Variants in JMJD1C observed in about 807,000 individuals in gnomAD.
The protein encoded by JMJD1C is jumonji domain containing 1C.
JMJD1C carries 31 observed loss-of-function variants against 245.3 expected under a neutral mutation model. The observed-to-expected ratio is 0.13, with a 90% CI of 0.09 to 0.17. JMJD1C has a LOEUF of 0.17. Ranked by LOEUF, JMJD1C falls within the 10% of genes least tolerant of loss-of-function variation. The pLI is 1.00. For missense variants in JMJD1C, 2,691 were observed against 3,000.2 expected, an observed-to-expected ratio of 0.90 and a Z score of 2.41; for synonymous variants, 1,057 against 1,017.4, an observed-to-expected ratio of 1.04 and a Z score of -0.74.
chr10:63,469,740 T>C (rs1473499347), upstream of JMJD1C, among the ~76,000 whole-genome samples: 1 of 152,204 alleles, frequency 6.6e-6, no homozygotes, highest in African/African-American at 2.4e-5. Context: ...TTATTAATTG[T>C]CAAATGTAAA....
chr10:63,310,071 C>A (rs901886384), intron 2 of JMJD1C, among the ~76,000 whole-genome samples: 13 of 152,172 alleles, frequency 8.5e-5, no homozygotes, highest in African/African-American at 3.1e-4. Context: ...GCAATAACCA[C>A]TATCAGATCA....
chr10:63,291,399 A>T (rs1263200078), intron 2 of JMJD1C, among the ~76,000 whole-genome samples: 2 of 150,952 alleles, frequency 1.3e-5, no homozygotes, highest in Non-Finnish European at 2.9e-5. Flanking sequence ...GGCGGATCAC[A>T]AGGTCACGAG....
upstream of JMJD1C, among the ~76,000 whole-genome samples, chr10:63,468,650 A>G (rs947644200): frequency 1.3e-5 from 2 of 152,236 alleles, no homozygotes; most frequent in Admixed American, 1.3e-4. Context: ...AATTAGACAT[A>G]TAAATTAGAT....
chr10:63,275,085 T>A (rs936943775), intron 2 of JMJD1C, among the ~76,000 whole-genome samples: 3 of 152,196 alleles, frequency 2.0e-5, no homozygotes, highest in Admixed American at 2.0e-4. Context: ...ATTACTTTAA[T>A]GTTAGAAATA....
At position 63,168,574 on chromosome 10, in the gene JMJD1C, C is replaced by A. The variant is rs1842057230; in HGVS notation, c.7402-8G>T. 6.4e-7 allele frequency: 1 copy of A among 1,557,276 alleles called. No individual in the cohort carries two copies. ...GCTGTGAAAATTCTGAACCTATCCC[C>A]AAAAGAAAAACCGTGAAATACAAGT... On this transcript the variant is annotated splice_region_variant and splice_polypyrimidine_tract_variant and intron_variant, in intron 24 of 25. Transcript: ENST00000399262.
At position 63,217,548 on chromosome 10, in the gene JMJD1C, TAA is replaced by T. The variant is rs139548780; in HGVS notation, c.554-219_554-218del. On this transcript the variant is annotated intron_variant, in intron 4 of 25. Transcript: ENST00000399262. ...CACATACTTCCTGATTCAATAGAAATAAAATACTTTAAGAGAGAAGGAAGGTT... is the reference window on the plus strand; with the variant it reads ...CACATACTTCCTGATTCAATAGAAATAATACTTTAAGAGAGAAGGAAGGTT... Among the ~76,000 whole-genome samples, 556 of 152,236 alleles carry T rather than the reference TAA, an allele frequency of 3.7e-3. 2 individuals are homozygous for T. The highest frequency in any genetic ancestry group is 0.013 in the African/African-American group (523 of 41,562).
intron 1 of JMJD1C, among the ~76,000 whole-genome samples, chr10:63,473,996 T>C (rs1953576876): frequency 6.6e-6 from 1 of 152,008 alleles, no homozygotes; most frequent in South Asian, 2.1e-4. Context: ...TGAGCCGAGA[T>C]TGCGCTATTG....
intron 1 of JMJD1C, among the ~76,000 whole-genome samples, chr10:63,476,135 G>C (rs1265313850): frequency 6.6e-6 from 1 of 151,778 alleles, no homozygotes; most frequent in Non-Finnish European, 1.5e-5. Context: ...CCTTGAGCCT[G>C]GGAGGAAGAG....
At chr10:63,316,517 T>C (rs1381300802) in intron 2 of JMJD1C, among the ~76,000 whole-genome samples, 2 of 152,062 alleles carry the variant, frequency 1.3e-5, no homozygotes, top group African/African-American at 4.8e-5. Context: ...GCATGATCCC[T>C]GCTCACTGCA....
intron 1 of JMJD1C, among the ~76,000 whole-genome samples, chr10:63,389,330 A>AG (rs1491258537): frequency 1.1e-4 from 16 of 146,634 alleles, no homozygotes; most frequent in African/African-American, 2.0e-4. Context: ...AAAAAAAAAG[A>AG]AAAAGAAAAA....
chr10:63,359,590 T>C (rs1945150204), intron 2 of JMJD1C, among the ~76,000 whole-genome samples: 1 of 152,230 alleles, frequency 6.6e-6, no homozygotes, highest in Non-Finnish European at 1.5e-5. Flanking sequence ...ATGAATACTT[T>C]TCATTACCCA....
chr10:63,301,192 C>T (rs1238926500), intron 2 of JMJD1C, among the ~76,000 whole-genome samples: 3 of 152,024 alleles, frequency 2.0e-5, no homozygotes, highest in Non-Finnish European at 4.4e-5. Flanking sequence ...ATTTTTGTTT[C>T]TTTGCAGAGA....
intron 1 of JMJD1C, among the ~76,000 whole-genome samples, chr10:63,501,323 A>T (rs1011944274): frequency 2.0e-5 from 3 of 152,248 alleles, no homozygotes; most frequent in Admixed American, 6.5e-5. Flanking sequence ...AAAGTGATTC[A>T]TTGAAAAAGA....
In JMJD1C at chr10:63,167,992, C is replaced by G. The variant is rs1841996681; in HGVS notation, c.*53G>C. ...GTCAGTGTGCATACATATCATCATT[C>G]AAGGTTAAGTAATCCCAGTTCAACA... is the stretch of plus-strand genomic sequence containing the variant. On this transcript the variant is annotated 3_prime_UTR_variant, in exon 26 of 26. Coordinates refer to ENST00000399262, the MANE Select transcript of JMJD1C (RefSeq NM_032776.3). The G allele has an allele frequency of 9.7e-7, 1 of 1,029,328 alleles. No homozygotes were observed. The highest frequency in any genetic ancestry group is 1.5e-6 in the Non-Finnish European group (1 of 650,296). The allele number at this position is 1,029,328 out of a possible 1,614,324, so 63.8% of individuals were successfully genotyped here.
intron 11 of JMJD1C, 110 bp downstream of exon 11, chr10:63,200,366 G>A: frequency 1.4e-6 from 1 of 739,768 alleles, no homozygotes; most frequent in South Asian, 1.8e-5. Flanking sequence ...AAAACATGGA[G>A]ACTCAAAGAC....
chr10:63,296,003 G>GTGTGTA (rs1285499198), intron 2 of JMJD1C, among the ~76,000 whole-genome samples: 4 of 95,722 alleles, frequency 4.2e-5, no homozygotes, highest in Admixed American at 1.2e-4. Flanking sequence ...GTGTGTGTGT[G>GTGTGTA]TATATATATA....
At chr10:63,521,608 G>A (rs1955246216) in intron 1 of JMJD1C, 2 of 1,390,974 alleles carry the variant, frequency 1.4e-6, no homozygotes, top group Non-Finnish European at 1.9e-6. Context: ...CCTGCAGCCG[G>A]CGCGAGGCCC....
chr10:63,190,742 G>A (rs1311053313), intron 17 of JMJD1C, 152 bp downstream of exon 17: 1 of 648,540 alleles, frequency 1.5e-6, no homozygotes, highest in East Asian at 2.7e-5. Context: ...AGCTTTCAAG[G>A]TAAAGAGAGT....
intron 1 of JMJD1C, among the ~76,000 whole-genome samples, chr10:63,430,386 G>A (rs1950677078): frequency 6.6e-6 from 1 of 152,092 alleles, no homozygotes; most frequent in Non-Finnish European, 1.5e-5. Flanking sequence ...AAGAATAGAA[G>A]AAAATATTTG....
Sources: gnomAD v4.1 joint callset for allele counts (sites outside exome capture counted in the v4.1 genomes callset) on GRCh38, gnomAD v4.1.1 for gene constraint, MANE v1.5 for transcripts, NCBI Gene and HGNC (gene_info 2026-07-23, HGNC 2026-07-21) for gene names.